The following CYFIP2 variants were observed in gnomAD, a reference collection of about 807,000 sequenced individuals.
CYFIP2 encodes cytoplasmic FMR1-interacting protein 2.
CYFIP2 carries 29 observed loss-of-function variants against 158.7 expected under a neutral mutation model. The observed-to-expected ratio is 0.18, with a 90% CI of 0.14 to 0.25. CYFIP2 has a LOEUF of 0.25. Among genes scored for constraint, CYFIP2 ranks in the 10% least tolerant of loss-of-function variants. The pLI is 1.00. For missense variants in CYFIP2, 852 were observed against 1,639.5 expected (o/e 0.52, Z 8.29); for synonymous variants, 585 against 617.6 (o/e 0.95, Z 0.78).
chr5:157,368,900 TTG>T (rs1561773664), intron 26 of CYFIP2, among the ~76,000 whole-genome samples: 2 of 108,832 alleles, frequency 1.8e-5, no homozygotes, highest in African/African-American at 3.9e-5. Flanking sequence ...TTTTGTTTTT[TTG>T]TTTTTTTTTT....
intron 26 of CYFIP2, among the ~76,000 whole-genome samples, chr5:157,370,833 A>G (rs903441054): frequency 2.6e-5 from 4 of 152,228 alleles, no homozygotes; most frequent in Non-Finnish European, 4.4e-5. Context: ...TAATAATTCT[A>G]TTATCCCCTT....
intron 26 of CYFIP2, among the ~76,000 whole-genome samples, chr5:157,366,402 C>T (rs951791072): frequency 2.0e-5 from 3 of 152,094 alleles, no homozygotes; most frequent in Non-Finnish European, 2.9e-5. Flanking sequence ...TTTTCCCTTA[C>T]GGTTTTGTGA....
At chr5:157,344,998 T>C (rs1448142125) in intron 23 of CYFIP2, among the ~76,000 whole-genome samples, 1 of 152,244 alleles carries the variant, frequency 6.6e-6, no homozygotes, top group Non-Finnish European at 1.5e-5. Context: ...AGGTGAATAG[T>C]GTCTTTCTAT....
rs1767505154 is a variant in CYFIP2 at position 157,393,400 on chromosome 5, C to G, written c.*400C>G. 6.2e-6 allele frequency: 1 copy of G among 162,216 alleles called. No homozygotes were observed. The highest frequency in any genetic ancestry group is 2.4e-5 in the African/African-American group (1 of 41,680). The allele number at this position is 162,216 out of a possible 1,614,324, so 10.0% of individuals were successfully genotyped here. On this transcript the variant is annotated 3_prime_UTR_variant, in exon 31 of 31. Transcript: ENST00000620254. Reference sequence around the variant, plus strand: ...TTGTGTGACCCCAGGACTCAAGTCTCAGACTGTGAACAGATGTGGCCATGC... The same window carrying G: ...TTGTGTGACCCCAGGACTCAAGTCTGAGACTGTGAACAGATGTGGCCATGC...
At chr5:157,351,347 C>T (rs1763057255) in intron 23 of CYFIP2, among the ~76,000 whole-genome samples, 1 of 152,182 alleles carries the variant, frequency 6.6e-6, no homozygotes, top group Non-Finnish European at 1.5e-5. Context: ...CCCTGAATTG[C>T]ATAGCACTTC....
At chr5:157,369,889 T>TTTTTG (rs1263235255) in intron 26 of CYFIP2, among the ~76,000 whole-genome samples, 4 of 149,294 alleles carry the variant, frequency 2.7e-5, no homozygotes. Flanking sequence ...GTTTTTTTTT[T>TTTTTG]TTTTTTTTTA....
chr5:157,373,850 TA>T (rs1209725464), intron 26 of CYFIP2, among the ~76,000 whole-genome samples: 2 of 152,208 alleles, frequency 1.3e-5, no homozygotes, highest in East Asian at 3.8e-4. Context: ...TTTCCTCCTT[TA>T]AAAAATTTAT....
At chr5:157,292,318 C>G (rs1030989312) in intron 3 of CYFIP2, among the ~76,000 whole-genome samples, 2 of 151,956 alleles carry the variant, frequency 1.3e-5, no homozygotes, top group Admixed American at 6.5e-5. Context: ...CTCCCGGGTT[C>G]AAGTGATTCT....
At chr5:157,389,595 G>C in intron 29 of CYFIP2, 168 bp downstream of exon 29, 3 of 624,154 alleles carry the variant, frequency 4.8e-6, no homozygotes, top group Non-Finnish European at 8.3e-6. Context: ...AAAGAGCCCA[G>C]TAAGGGTTTG....
intron 26 of CYFIP2, chr5:157,375,667 G>A (rs1318676243): frequency 1.4e-5 from 2 of 145,814 alleles, no homozygotes; most frequent in South Asian, 2.1e-4. Flanking sequence ...ATCAGCTGTT[G>A]TTAGTGTATT....
intron 2 of CYFIP2, 48 bp downstream of exon 2, chr5:157,285,526 T>C: frequency 6.6e-7 from 1 of 1,511,952 alleles, no homozygotes. Flanking sequence ...ATTCTGGGGA[T>C]CCCCTAAGAG....
At chr5:157,325,753 T>A in intron 17 of CYFIP2, 115 bp downstream of exon 17, 11 of 1,117,918 alleles carry the variant, frequency 9.8e-6, no homozygotes, top group Non-Finnish European at 1.4e-5. Flanking sequence ...AATGAGGCCA[T>A]ATGTCCCACC....
chr5:157,320,752 G>A lies in CYFIP2; in HGVS notation c.1621G>A (p.Gly541Arg). ...GAGAGGGGAGAAGGACCCCAAAGGT[G>A]GATTTGATATCAAGGTGCCCCGGCG... is the stretch of plus-strand genomic sequence containing the variant. ...CLRGEKDPKG[G>R]FDIKVPRRAV... The change falls in exon 15 of 31, where the codon GGA (glycine) becomes AGA (arginine). Residue 541 changes from glycine to arginine, a missense_variant. Gly to Arg is a moderately radical substitution (Grantham distance 125). Around this residue, in one of 8 missense-constraint regions of CYFIP2, gnomAD observed 167 missense variants for 343.3 expected, o/e 0.49. Coordinates refer to ENST00000620254, the MANE Select transcript of CYFIP2 (RefSeq NM_001037333.3). 2 of 1,612,066 alleles carry A rather than the reference G, an allele frequency of 1.2e-6. No individual in the cohort carries two copies. The highest frequency in any genetic ancestry group is 1.1e-5 in the South Asian group (1 of 90,852).
intron 13 of CYFIP2, among the ~76,000 whole-genome samples, chr5:157,319,046 G>C (rs957541903): frequency 1.1e-4 from 17 of 152,264 alleles, no homozygotes; most frequent in African/African-American, 4.1e-4. Context: ...ATGGGCAGGG[G>C]ATGGTTACTG....
intron 3 of CYFIP2, among the ~76,000 whole-genome samples, chr5:157,291,777 T>G (rs1353892630): frequency 1.3e-5 from 2 of 152,254 alleles, no homozygotes; most frequent in African/African-American, 4.8e-5. Context: ...CTGTCATAAG[T>G]AAATTGATCT....
chr5:157,371,684 A>G (rs1765009328), intron 26 of CYFIP2, among the ~76,000 whole-genome samples: 1 of 152,360 alleles, frequency 6.6e-6, no homozygotes, highest in South Asian at 2.1e-4. Context: ...CCTCAGTTTT[A>G]AAACTAGTGG....
At chr5:157,369,785 A>G (rs1326002139) in intron 26 of CYFIP2, among the ~76,000 whole-genome samples, 3 of 151,948 alleles carry the variant, frequency 2.0e-5, no homozygotes, top group Admixed American at 2.0e-4. Context: ...GGTCTCAACT[A>G]TGGCTGCTCA....
In CYFIP2 at chr5:157,393,964, G is replaced by A. The variant is rs367959403; in HGVS notation, c.*964G>A. The A allele has an allele frequency of 2.9e-4, 44 of 152,138 alleles. No individual in the cohort carries two copies. The highest frequency in any genetic ancestry group is 1.0e-3 in the African/African-American group (42 of 41,424). 9.4% of individuals were successfully genotyped at this position (152,138 alleles called of 1,614,324 possible). A position where few individuals can be genotyped will look rare whatever the true frequency, so the allele number is the denominator to read the frequency against. On this transcript the variant is annotated 3_prime_UTR_variant, in exon 31 of 31. Coordinates refer to ENST00000620254, the MANE Select transcript of CYFIP2 (RefSeq NM_001037333.3). ...TTTCCACAGAAGCCCAAAACGTCTTGGAAACACAGAGGTGAGGAGGAGGAA... is the reference window on the plus strand; with the variant it reads ...TTTCCACAGAAGCCCAAAACGTCTTAGAAACACAGAGGTGAGGAGGAGGAA...
rs1221154307 is a variant in CYFIP2 at position 157,395,423 on chromosome 5, A to ATT, written c.*2425_*2426dup. On this transcript the variant is annotated 3_prime_UTR_variant, in exon 31 of 31. Transcript: ENST00000620254. ...GGGAATTTTTGTACAATGAATTTAC[A>ATT]TTTATTTATGGTGACATATTTACGC... The ATT allele has an allele frequency of 6.9e-5, 26 of 378,336 alleles. No individual in the cohort carries two copies. Among genetic ancestry groups the ATT allele is most frequent in the African/African-American group, 5.1e-4 (24 of 47,046 alleles). 23.4% of individuals were successfully genotyped at this position (378,336 alleles called of 1,614,324 possible).
Sources: gnomAD v4.1 joint callset for allele counts (sites outside exome capture counted in the v4.1 genomes callset) on GRCh38, gnomAD v4.1.1 for gene constraint, gnomAD v4.1.1 regional missense constraint, MANE v1.5 for transcripts, NCBI Gene and HGNC (gene_info 2026-07-23, HGNC 2026-07-21) for gene names.